Variants in UNC13C observed in about 807,000 individuals in gnomAD.
UNC13C encodes unc-13 homolog C, also known as protein unc-13 homolog C.
UNC13C carries 174 observed loss-of-function variants against 245.4 expected under a neutral mutation model. The ratio of observed to expected loss-of-function variants is 0.71; its 90% CI spans 0.63 to 0.80. UNC13C has a LOEUF of 0.80. Among genes scored for constraint, UNC13C ranks in the 30% least tolerant of loss-of-function variants. The pLI, the probability that UNC13C is intolerant of heterozygous loss-of-function variation, is 0.00. For missense variants in UNC13C, 2,829 were observed against 2,602.9 expected (o/e 1.09, Z -1.89); for synonymous variants, 992 against 895.1 (o/e 1.11, Z -1.93).
intron 2 of UNC13C, among the ~76,000 whole-genome samples, chr15:54,046,567 G>C (rs1435590676): frequency 6.6e-6 from 1 of 151,814 alleles, no homozygotes; most frequent in Non-Finnish European, 1.5e-5. Context: ...CATTTTTCTA[G>C]TGGGTTTTTT....
intron 4 of UNC13C, among the ~76,000 whole-genome samples, chr15:54,229,709 A>G (rs1291981887): frequency 6.6e-6 from 1 of 152,060 alleles, no homozygotes; most frequent in Non-Finnish European, 1.5e-5. Flanking sequence ...CCTATTTACA[A>G]TAGATCTCTT....
intron 7 of UNC13C, among the ~76,000 whole-genome samples, chr15:54,243,511 T>A (rs2035915116): frequency 6.6e-6 from 1 of 152,196 alleles, no homozygotes; most frequent in Non-Finnish European, 1.5e-5. Context: ...AGTAATGGGA[T>A]TGCTGGGTCA....
the UNC13C span, among the ~76,000 whole-genome samples, chr15:53,864,768 T>C: frequency 1.3e-5 from 2 of 152,196 alleles, no homozygotes; most frequent in African/African-American, 4.8e-5. Context: ...TGATTTATTC[T>C]GGATAAAATG....
At chr15:54,525,397 T>C (rs1895402604) in intron 24 of UNC13C, among the ~76,000 whole-genome samples, 152 bp from the exon 25 acceptor site, 1 of 150,476 alleles carries the variant, frequency 6.6e-6, no homozygotes, top group Non-Finnish European at 1.5e-5. Flanking sequence ...AATGTTTAGA[T>C]TTGATTTCAA....
At chr15:54,201,402 G>A (rs985210803) in intron 4 of UNC13C, among the ~76,000 whole-genome samples, 3 of 151,862 alleles carry the variant, frequency 2.0e-5, no homozygotes, top group African/African-American at 7.3e-5. Context: ...GAATATAGAT[G>A]CAAAAATCGT....
At chr15:54,614,798 T>A (rs973629103) in intron 30 of UNC13C, among the ~76,000 whole-genome samples, 1 of 152,022 alleles carries the variant, frequency 6.6e-6, no homozygotes, top group Admixed American at 6.6e-5. Flanking sequence ...CATCCAGATA[T>A]ATGCTGGTAT....
At chr15:54,536,213 A>G (rs1448237490) in intron 26 of UNC13C, among the ~76,000 whole-genome samples, 1 of 152,128 alleles carries the variant, frequency 6.6e-6, no homozygotes, top group Non-Finnish European at 1.5e-5. Context: ...CTCTATGCAC[A>G]CAAACTGGAA....
chr15:53,902,254 T>C, the UNC13C span, among the ~76,000 whole-genome samples: 3 of 152,156 alleles, frequency 2.0e-5, no homozygotes, highest in Non-Finnish European at 4.4e-5. Flanking sequence ...TATGATCCTT[T>C]AATACTCCCT....
chr15:54,469,887 T>A (rs1892366455), intron 19 of UNC13C, among the ~76,000 whole-genome samples: 1 of 151,592 alleles, frequency 6.6e-6, no homozygotes, highest in Admixed American at 6.6e-5. Context: ...ATGTTAACTG[T>A]GAGCATGTCA....
chr15:54,375,720 A>G (rs1215138696), intron 17 of UNC13C, among the ~76,000 whole-genome samples: 1 of 152,170 alleles, frequency 6.6e-6, no homozygotes, highest in East Asian at 1.9e-4. Context: ...GATGCATGGA[A>G]ATTAATTCTG....
intron 1 of UNC13C, among the ~76,000 whole-genome samples, chr15:53,985,442 T>TGTATACATGTATACATGTGTTAA: frequency 6.6e-6 from 1 of 152,092 alleles, no homozygotes; most frequent in South Asian, 2.1e-4. Flanking sequence ...TGTGCTACTA[T>TGTATACATGTATACATGTGTTAA]GTATACATGT....
intron 17 of UNC13C, among the ~76,000 whole-genome samples, chr15:54,348,739 G>A (rs916802522): frequency 7.2e-5 from 11 of 152,006 alleles, no homozygotes; most frequent in African/African-American, 2.7e-4. Flanking sequence ...CTTTCTTTTG[G>A]TTTTGCTCTA....
the UNC13C span, among the ~76,000 whole-genome samples, chr15:53,890,833 T>C: frequency 6.6e-6 from 1 of 152,160 alleles, no homozygotes; most frequent in Non-Finnish European, 1.5e-5. Context: ...TTCATTGATT[T>C]TTTGATGGGT....
At position 54,555,456 on chromosome 15, in the gene UNC13C, A is replaced by G. The variant is rs754768206; in HGVS notation, c.5902A>G (p.Arg1968Gly). 1.2e-6 allele frequency: 2 copies of G among 1,612,296 alleles called. No individual in the cohort carries two copies. The highest frequency in any genetic ancestry group is 2.7e-5 in the African/African-American group (2 of 74,826). ...GGAGCACATGATTCGAGAGGATGCC[A>G]GGGGTCTGACGCCAAGACAATGCGC... ...LKEHMIREDA[R>G]GLTPRQCAIM... is the part of the protein sequence containing the mutation. Residue 1968 changes from arginine (R) to glycine (G), a missense_variant, in exon 29 of 33, where the codon AGG becomes GGG. Coordinates refer to ENST00000260323, the MANE Select transcript of UNC13C (RefSeq NM_001080534.3).
At chr15:54,429,902 A>G (rs995372082) in intron 19 of UNC13C, among the ~76,000 whole-genome samples, 1 of 151,688 alleles carries the variant, frequency 6.6e-6, no homozygotes, top group African/African-American at 2.4e-5. Flanking sequence ...GGAGAATAAA[A>G]CTGAATTTTA....
At chr15:54,280,397 T>A (rs1439126393) in intron 10 of UNC13C, among the ~76,000 whole-genome samples, 1 of 151,748 alleles carries the variant, frequency 6.6e-6, no homozygotes, top group Non-Finnish European at 1.5e-5. Flanking sequence ...GTATCTACTT[T>A]GATAACAATA....
chr15:54,598,286 G>T (rs1899212856), intron 30 of UNC13C, among the ~76,000 whole-genome samples: 1 of 152,164 alleles, frequency 6.6e-6, no homozygotes, highest in African/African-American at 2.4e-5. Flanking sequence ...GTAGACACAG[G>T]GTTTCACCAT....
At chr15:54,180,787 ATGTCTTTT>A (rs772074914) in intron 4 of UNC13C, among the ~76,000 whole-genome samples, 16,504 of 151,800 alleles carry the variant, frequency 0.11, 1,272 homozygotes, top group African/African-American at 0.22. Flanking sequence ...GGACACTGGT[ATGTCTTTT>A]GAGAATGGTC....
At chr15:54,418,829 C>T (rs1049210723) in intron 19 of UNC13C, among the ~76,000 whole-genome samples, 3 of 152,128 alleles carry the variant, frequency 2.0e-5, no homozygotes, top group African/African-American at 4.8e-5. Flanking sequence ...TGCCTCCTTT[C>T]ATCTTTACAT....
Sources: allele counts gnomAD v4.1 joint callset (sites outside exome capture counted in the v4.1 genomes callset), GRCh38; gene constraint gnomAD v4.1.1; transcripts MANE v1.5; gene names NCBI Gene and HGNC (gene_info 2026-07-23, HGNC 2026-07-21).